Variants in MRPL44 observed in about 807,000 individuals in gnomAD.
MRPL44 encodes the protein large ribosomal subunit protein mL44.
In MRPL44, 21 loss-of-function variants were observed where a neutral mutation model predicts 25.9. That is an observed-to-expected ratio of 0.81 (90% CI 0.58 to 1.17). The LOEUF (loss-of-function observed/expected upper bound fraction) is 1.17, where lower values mean the gene tolerates loss of function less well. MRPL44 is among the 50% of genes most tolerant of loss of function. MRPL44 has a pLI of 0.00. For synonymous variants in MRPL44, 169 were observed against 151.0 expected (o/e 1.12, Z -0.87); for missense variants, 410 against 398.9 (o/e 1.03, Z -0.24).
At chr2:223,964,804 G>A (rs1689718539) in intron 3 of MRPL44, among the ~76,000 whole-genome samples, 2 of 152,068 alleles carry the variant, frequency 1.3e-5, no homozygotes. Context: ...AGATTTACAG[G>A]CAAATTTTGT....
Position 223,964,696 on chromosome 2 carries a change from G to A in MRPL44, c.827+762G>A, listed in dbSNP as rs565949462. On this transcript the variant is annotated intron_variant, in intron 3 of 3. Transcript: ENST00000258383. ...TATATACTGCTGGTAGGAAAAAAAT[G>A]TACCATATTTCTGTGAATAATTTTG... Among the ~76,000 whole-genome samples the A allele has an allele frequency of 1.6e-3, 242 of 152,250 alleles. 1 individual carries two copies. Among genetic ancestry groups the A allele is most frequent in the African/African-American group, 5.6e-3 (233 of 41,566 alleles).
chr2:223,960,431 G>A (rs1689641158), intron 2 of MRPL44, among the ~76,000 whole-genome samples: 1 of 152,212 alleles, frequency 6.6e-6, no homozygotes, highest in African/African-American at 2.4e-5. Context: ...TTGTTAGCTA[G>A]TGGCTTAGCT....
chr2:223,954,498 C>CA (rs1448337246), upstream of MRPL44, among the ~76,000 whole-genome samples: 1 of 152,184 alleles, frequency 6.6e-6, no homozygotes, highest in Admixed American at 6.6e-5. Context: ...AGGATGCAGT[C>CA]AAAGCGCTGG....
At chr2:223,951,300 TA>T in the MRPL44 span, among the ~76,000 whole-genome samples, 1 of 152,190 alleles carries the variant, frequency 6.6e-6, no homozygotes, top group Non-Finnish European at 1.5e-5. Flanking sequence ...AGAAATTATT[TA>T]TTTTTTTATA....
Position 223,967,301 on chromosome 2 carries a change from C to T in MRPL44, c.*267C>T, listed in dbSNP as rs765834403. Reference sequence around the variant, plus strand: ...AGGCTGGACTGCAGTGGTGCGATCTCGGCTCACTGCAACCTCCACCTCACA... The same window carrying T: ...AGGCTGGACTGCAGTGGTGCGATCTTGGCTCACTGCAACCTCCACCTCACA... On this transcript the variant is annotated 3_prime_UTR_variant, in exon 4 of 4. Coordinates refer to ENST00000258383, the MANE Select transcript of MRPL44 (RefSeq NM_022915.5). The T allele has an allele frequency of 5.1e-5, 14 of 276,922 alleles. No individual in the cohort carries two copies. The highest frequency in any genetic ancestry group is 6.8e-5 in the Non-Finnish European group (10 of 148,044). The allele number at this position is 276,922 out of a possible 1,614,324, so 17.2% of individuals were successfully genotyped here.
At position 223,959,687 on chromosome 2, in the gene MRPL44, G is replaced by A; in HGVS notation, c.333G>A (p.Glu111=). The change falls in exon 2 of 4, where the codon GAG becomes GAA. Residue 111 remains glutamate, a synonymous_variant. Coordinates refer to ENST00000258383, the MANE Select transcript of MRPL44 (RefSeq NM_022915.5). The part of the protein sequence containing the change: ...EEAKRQQLGI[E]KEAVLLNLKS... ...CCAAACGCCAACAACTTGGGATAGAGAAAGAAGCTGTTCTTCTGAATCTTA... is the reference window on the plus strand; with the variant it reads ...CCAAACGCCAACAACTTGGGATAGAAAAAGAAGCTGTTCTTCTGAATCTTA... 3.7e-6 allele frequency: 6 copies of A among 1,614,248 alleles called. No homozygotes were observed. The highest frequency in any genetic ancestry group is 5.1e-6 in the Non-Finnish European group (6 of 1,180,040).
At chr2:223,958,330 A>G (rs140212137) in intron 1 of MRPL44, among the ~76,000 whole-genome samples, 193 of 152,324 alleles carry the variant, frequency 1.3e-3, no homozygotes, top group Non-Finnish European at 2.2e-4. Context: ...CCTATGTAAC[A>G]GCGCGTAAAG....
rs377218026 is a variant in MRPL44, at chr2:223,963,823, G to A, written c.716G>A (p.Gly239Glu). The A allele has an allele frequency of 1.9e-6, 3 of 1,613,722 alleles. No homozygotes were observed. The South Asian group carries it at 3.3e-5, about 18-fold the overall frequency. Residue 239 changes from glycine to glutamate, a missense_variant, in exon 3 of 4, where the codon GGG becomes GAG. Coordinates refer to ENST00000258383, the MANE Select transcript of MRPL44 (RefSeq NM_022915.5). ...FEMWKIINPM[G>E]LLVEELKKRN... ...ATGTGGAAGATAATAAATCCCATGG[G>A]GCTATTGGTAGAAGAACTGAAGAAA... is the stretch of plus-strand genomic sequence containing the variant.
At chr2:223,961,165 T>A (rs988137423) in intron 2 of MRPL44, among the ~76,000 whole-genome samples, 1 of 152,218 alleles carries the variant, frequency 6.6e-6, no homozygotes, top group African/African-American at 2.4e-5. Flanking sequence ...TGGAATGCAA[T>A]GTGGAAGTGC....
chr2:223,964,926 A>G (rs193197055), intron 3 of MRPL44, among the ~76,000 whole-genome samples: 118 of 152,300 alleles, frequency 7.7e-4, no homozygotes, highest in African/African-American at 2.7e-3. Context: ...AATAAATTTG[A>G]TATTCCACAA....
intron 2 of MRPL44, among the ~76,000 whole-genome samples, chr2:223,961,829 G>T (rs2106117797): frequency 6.6e-6 from 1 of 152,268 alleles, no homozygotes; most frequent in South Asian, 2.1e-4. Context: ...GCGATAGAAG[G>T]TAATCACTTA....
At chr2:223,958,793 T>TTTTTAG (rs1296983832) in intron 1 of MRPL44, among the ~76,000 whole-genome samples, 1 of 152,210 alleles carries the variant, frequency 6.6e-6, no homozygotes, top group Non-Finnish European at 1.5e-5. Flanking sequence ...TCACATGACT[T>TTTTTAG]TTTTAGTTTC....
chr2:223,959,612 T>A lies in MRPL44; in HGVS notation c.258T>A (p.Asp86Glu). The A allele has an allele frequency of 6.2e-7, 1 of 1,614,206 alleles. No individual in the cohort carries two copies. Among genetic ancestry groups the A allele is most frequent in the Non-Finnish European group, 8.5e-7 (1 of 1,180,036 alleles). Residue 86 changes from aspartate to glutamate, a missense_variant, in exon 2 of 4, where the codon GAT (aspartate) becomes GAA (glutamate). Transcript: ENST00000258383. Reference protein sequence around the residue: ...GHRLQENFSLDLLKTAFVNSC... With the variant: ...GHRLQENFSLELLKTAFVNSC... ...GGTTACAGGAAAACTTTTCCTTAGATCTTCTCAAAACTGCATTTGTTAATA... is the reference window on the plus strand; with the variant it reads ...GGTTACAGGAAAACTTTTCCTTAGAACTTCTCAAAACTGCATTTGTTAATA...
At chr2:223,960,308 G>A (rs1689638308) in intron 2 of MRPL44, among the ~76,000 whole-genome samples, 1 of 152,174 alleles carries the variant, frequency 6.6e-6, no homozygotes, top group Non-Finnish European at 1.5e-5. Flanking sequence ...GATGTTTGGT[G>A]AATGAGTGAA....
upstream of MRPL44, among the ~76,000 whole-genome samples, chr2:223,956,575 C>G (rs1031828802): frequency 6.6e-6 from 1 of 152,092 alleles, no homozygotes; most frequent in Non-Finnish European, 1.5e-5. Context: ...GAAACTGCAC[C>G]GAAGAGGGGG....
chr2:223,957,707 C>T (rs1689594428), intron 1 of MRPL44, 56 bp downstream of exon 1: 2 of 1,534,162 alleles, frequency 1.3e-6, no homozygotes, highest in Non-Finnish European at 1.7e-6. Flanking sequence ...ACTGGGTCTT[C>T]TTCCCGCGGC....
At chr2:223,950,987 G>A in the MRPL44 span, among the ~76,000 whole-genome samples, 1 of 152,184 alleles carries the variant, frequency 6.6e-6, no homozygotes, top group African/African-American at 2.4e-5. Context: ...AACAGGTCTG[G>A]AAGAAAGGGA....
chr2:223,951,124 A>G, the MRPL44 span, among the ~76,000 whole-genome samples: 1 of 152,176 alleles, frequency 6.6e-6, no homozygotes, highest in South Asian at 2.1e-4. Context: ...AGGTGTTCTA[A>G]GGAGGAGGAA....
intron 2 of MRPL44, among the ~76,000 whole-genome samples, chr2:223,962,687 AT>A (rs1021810503): frequency 2.3e-4 from 35 of 152,212 alleles, no homozygotes; most frequent in African/African-American, 7.9e-4. Flanking sequence ...TTATTAAAAG[AT>A]TTTTTTAAAT....
Sources: gnomAD v4.1 joint callset for allele counts (sites outside exome capture counted in the v4.1 genomes callset) on GRCh38, gnomAD v4.1.1 for gene constraint, MANE v1.5 for transcripts, NCBI Gene and HGNC (gene_info 2026-07-23, HGNC 2026-07-21) for gene names.